Variants in RANBP2 observed in about 807,000 individuals in gnomAD.
RANBP2 encodes E3 SUMO-protein ligase RanBP2.
A neutral mutation model predicts 303.6 loss-of-function variants in RANBP2; 57 were observed. That is an observed-to-expected ratio of 0.19 (90% CI 0.15 to 0.23). RANBP2 has a LOEUF of 0.23. Among genes scored for constraint, RANBP2 ranks in the 10% least tolerant of loss-of-function variants. The pLI, the probability that RANBP2 is intolerant of heterozygous loss-of-function variation, is 1.00. For synonymous variants in RANBP2, 1,167 were observed against 1,301.5 expected, an observed-to-expected ratio of 0.90 and a Z score of 2.23; for missense variants, 3,138 against 3,780.8, an observed-to-expected ratio of 0.83 and a Z score of 4.46.
chr2:109,711,067 C>T, the RANBP2 span, among the ~76,000 whole-genome samples: 2 of 151,842 alleles, frequency 1.3e-5, no homozygotes, highest in Admixed American at 6.6e-5. Flanking sequence ...GACACATTTG[C>T]GTAGGTCTGC....
At chr2:109,476,067 T>C in the RANBP2 span, among the ~76,000 whole-genome samples, 5 of 152,230 alleles carry the variant, frequency 3.3e-5, no homozygotes, top group African/African-American at 1.2e-4. Context: ...CTGTACGGTA[T>C]GCTTAGAAAC....
the RANBP2 span, chr2:108,923,288 G>A: frequency 1.9e-5 from 26 of 1,378,962 alleles, no homozygotes; most frequent in Middle Eastern, 1.8e-4. Flanking sequence ...TGCCAGGACC[G>A]GCTCTTTCCT....
the RANBP2 span, among the ~76,000 whole-genome samples, chr2:109,722,687 T>C: frequency 6.6e-6 from 1 of 152,208 alleles, no homozygotes. Context: ...CCATGTGTCC[T>C]TCTGTTTTCA....
rs780185468 is a variant in RANBP2 at position 108,740,614 on chromosome 2, ATAG to A, written c.914_916del (p.Ser305del). On this transcript the variant is annotated inframe_deletion, in exon 7 of 29. Coordinates refer to ENST00000283195, the MANE Select transcript of RANBP2 (RefSeq NM_006267.5). ...TCTCTGCTTTTGAAGATGGGTCAGC[ATAG>A]TAGTAATGTTCAATGGCGAGCTCTT... is the stretch of plus-strand genomic sequence containing the variant. 29 of 1,597,448 alleles carry A rather than the reference ATAG, an allele frequency of 1.8e-5. No individual in the cohort carries two copies. The Admixed American group carries it at 4.3e-4, about 24-fold the overall frequency.
At chr2:109,338,237 A>G in the RANBP2 span, among the ~76,000 whole-genome samples, 3 of 152,164 alleles carry the variant, frequency 2.0e-5, no homozygotes, top group South Asian at 4.2e-4. Context: ...CACATTTAGG[A>G]TCCCTGTGAG....
At chr2:108,975,657 G>A in the RANBP2 span, among the ~76,000 whole-genome samples, 1 of 152,150 alleles carries the variant, frequency 6.6e-6, no homozygotes, top group Non-Finnish European at 1.5e-5. Context: ...GAACAGGGGT[G>A]CGGTCTGGGA....
the RANBP2 span, among the ~76,000 whole-genome samples, chr2:109,043,428 C>T: frequency 3.9e-5 from 6 of 152,090 alleles, no homozygotes; most frequent in Admixed American, 6.5e-5. Context: ...CTGCAACCTC[C>T]GCCTCCCAGG....
the RANBP2 span, among the ~76,000 whole-genome samples, chr2:109,311,608 C>T: frequency 7.2e-3 from 1,104 of 152,330 alleles, 14 homozygotes; most frequent in Middle Eastern, 0.037. Context: ...ATTCTAGCTT[C>T]CTAAAAGCAA....
the RANBP2 span, chr2:108,812,612 A>T: frequency 6.3e-7 from 1 of 1,590,008 alleles, no homozygotes; most frequent in African/African-American, 1.3e-5. Flanking sequence ...TGAAATATCT[A>T]ACTTTTTCTA....
Position 108,751,857 on chromosome 2 carries a change from G to T in RANBP2, c.1632-14G>T, listed in dbSNP as rs1332756273. 6.2e-7 allele frequency: 1 copy of T among 1,611,850 alleles called. No homozygotes were observed. The highest frequency in any genetic ancestry group is 1.1e-5 in the South Asian group (1 of 90,972). On this transcript the variant is annotated splice_polypyrimidine_tract_variant and intron_variant, in intron 11 of 28. Coordinates refer to ENST00000283195, the MANE Select transcript of RANBP2 (RefSeq NM_006267.5). ...ATTTAGAAAGCAATTTTAGTAAATT[G>T]AACTATTTTTTAGACCTGGAAACGT...
At chr2:109,210,216 T>G in the RANBP2 span, among the ~76,000 whole-genome samples, 1 of 152,206 alleles carries the variant, frequency 6.6e-6, no homozygotes, top group Non-Finnish European at 1.5e-5. Context: ...TTCACAGACA[T>G]TTGGGTGTTT....
chr2:109,646,310 A>G, the RANBP2 span, among the ~76,000 whole-genome samples: 20 of 152,206 alleles, frequency 1.3e-4, no homozygotes, highest in African/African-American at 4.8e-4. Flanking sequence ...AGTCATCCAG[A>G]TAAATGATAT....
Position 108,773,007 on chromosome 2 carries a change from G to A in RANBP2, c.8253G>A (p.Glu2751=), listed in dbSNP as rs826580. ...CTGATGAAGACAATGGAAATGGGGA[G>A]GACTTTCAATCAGAGCTTCAAAAAG... ...SDTDEDNGNG[E]DFQSELQKVQ... Residue 2751 remains glutamate, a synonymous_variant, in exon 23 of 29, where the codon GAG becomes GAA. Transcript: ENST00000283195. 1,610,198 of 1,613,836 alleles carry A rather than the reference G, an allele frequency of 1. 803,366 individuals are homozygous for A. The highest frequency in any genetic ancestry group is 1 in the East Asian group (44,855 of 44,856).
chr2:108,981,464 G>A, the RANBP2 span, among the ~76,000 whole-genome samples: 2,929 of 152,230 alleles, frequency 0.019, 70 homozygotes, highest in South Asian at 0.056. Context: ...TCTTGGCCTT[G>A]GGGATACAAA....
the RANBP2 span, among the ~76,000 whole-genome samples, chr2:109,466,154 A>G: frequency 4.6e-5 from 6 of 130,276 alleles, no homozygotes; most frequent in Non-Finnish European, 7.6e-5. Flanking sequence ...ATCTCGGCTC[A>G]CTGCTGCAAC....
chr2:108,963,808 G>A, the RANBP2 span, among the ~76,000 whole-genome samples: 1 of 152,214 alleles, frequency 6.6e-6, no homozygotes, highest in African/African-American at 2.4e-5. Flanking sequence ...TGTAGACTCT[G>A]CCTTCTTGTG....
At chr2:108,888,677 G>C in the RANBP2 span, among the ~76,000 whole-genome samples, 1 of 151,780 alleles carries the variant, frequency 6.6e-6, no homozygotes, top group Non-Finnish European at 1.5e-5. Flanking sequence ...TTTCATTTCT[G>C]ATTTTATTTG....
chr2:109,710,231 A>G, the RANBP2 span, among the ~76,000 whole-genome samples: 1 of 151,796 alleles, frequency 6.6e-6, no homozygotes, highest in Non-Finnish European at 1.5e-5. Context: ...AAAATTCAAA[A>G]ATTAGCCAGG....
At chr2:109,398,641 G>A in the RANBP2 span, 14 of 1,599,180 alleles carry the variant, frequency 8.8e-6, no homozygotes, top group Admixed American at 6.9e-5. Context: ...ATGCCCAGCC[G>A]CTGCATCCAG....
Sources: allele counts gnomAD v4.1 joint callset (sites outside exome capture counted in the v4.1 genomes callset), GRCh38; gene constraint gnomAD v4.1.1; transcripts MANE v1.5; gene names NCBI Gene and HGNC (gene_info 2026-07-23, HGNC 2026-07-21).